FIGN: variants seen among roughly 807,000 people sequenced by gnomAD.
FIGN encodes fidgetin, microtubule severing factor.
Under a neutral mutation model 51.3 loss-of-function variants are expected in FIGN, and 11 were observed. That is an observed-to-expected ratio of 0.21 (90% CI 0.13 to 0.35). FIGN has a LOEUF of 0.35. Ranked by LOEUF, FIGN falls within the 10% of genes least tolerant of loss-of-function variation. The pLI, the probability that FIGN is intolerant of heterozygous loss-of-function variation, is 1.00. For missense variants in FIGN, 857 were observed against 943.6 expected (o/e 0.91, Z 1.20); for synonymous variants, 407 against 363.2 (o/e 1.12, Z -1.37).
chr2:163,652,388 A>G (rs1050597598), intron 2 of FIGN, among the ~76,000 whole-genome samples: 1 of 150,724 alleles, frequency 6.6e-6, no homozygotes, highest in South Asian at 2.1e-4. Context: ...ACACACACAC[A>G]CTTTCACTAA....
intron 2 of FIGN, among the ~76,000 whole-genome samples, chr2:163,633,049 T>C (rs1414199541): frequency 6.6e-6 from 1 of 151,852 alleles, no homozygotes; most frequent in Non-Finnish European, 1.5e-5. Context: ...CCAGGTGTGG[T>C]CGTGTGCACC....
At chr2:163,654,181 T>A (rs1299787967) in intron 2 of FIGN, among the ~76,000 whole-genome samples, 1 of 152,124 alleles carries the variant, frequency 6.6e-6, no homozygotes, top group Non-Finnish European at 1.5e-5. Flanking sequence ...CTGATTTCAT[T>A]CCATTTCTAG....
chr2:163,686,140 G>A (rs1340133655), intron 2 of FIGN, among the ~76,000 whole-genome samples: 1 of 152,128 alleles, frequency 6.6e-6, no homozygotes, highest in African/African-American at 2.4e-5. Flanking sequence ...TAAATAATGA[G>A]AATTCTAACA....
chr2:163,680,517 G>A (rs1363873706), intron 2 of FIGN, among the ~76,000 whole-genome samples: 2 of 152,114 alleles, frequency 1.3e-5, no homozygotes, highest in African/African-American at 4.8e-5. Context: ...ACCACGACAA[G>A]CCCCATCTCA....
intron 2 of FIGN, among the ~76,000 whole-genome samples, chr2:163,645,263 C>G (rs1371827): frequency 0.56 from 85,043 of 151,914 alleles, 24,805 homozygotes; most frequent in Middle Eastern, 0.79. Flanking sequence ...AGAGGTGTGC[C>G]TAGATCATGA....
At chr2:163,654,120 C>T (rs1233606447) in intron 2 of FIGN, among the ~76,000 whole-genome samples, 1 of 152,020 alleles carries the variant, frequency 6.6e-6, no homozygotes, top group Non-Finnish European at 1.5e-5. Flanking sequence ...AAAATAAGAG[C>T]TTCCCCATAT....
rs1265719363 is a variant in FIGN at position 163,607,692 on chromosome 2, CT to C, written c.*1859del. 6.6e-6 allele frequency: 1 copy of C among 152,434 alleles called. No individual in the cohort carries two copies. The highest frequency in any genetic ancestry group is 1.5e-5 in the Non-Finnish European group (1 of 68,010). 9.4% of individuals were successfully genotyped at this position (152,434 alleles called of 1,614,324 possible). ...TTATTGAATACATAAAATGCCAGTGCTTTGCAACAGTTTTGTTACTGCATCT... is the reference window on the plus strand; with the variant it reads ...TTATTGAATACATAAAATGCCAGTGCTTGCAACAGTTTTGTTACTGCATCT... On this transcript the variant is annotated 3_prime_UTR_variant, in exon 3 of 3. Coordinates refer to ENST00000333129, the MANE Select transcript of FIGN (RefSeq NM_018086.4).
intron 2 of FIGN, among the ~76,000 whole-genome samples, chr2:163,676,441 A>ATATC (rs1214157893): frequency 1.4e-4 from 5 of 35,096 alleles, no homozygotes; most frequent in Non-Finnish European, 2.1e-4. Context: ...TGGAATATAT[A>ATATC]TATATATATA....
chr2:163,683,791 A>T (rs969892268), intron 2 of FIGN, among the ~76,000 whole-genome samples: 4 of 152,174 alleles, frequency 2.6e-5, no homozygotes, highest in African/African-American at 9.7e-5. Flanking sequence ...GAACCACTGA[A>T]ATAGAAGGGC....
At chr2:163,661,018 G>T (rs1014642199) in intron 2 of FIGN, among the ~76,000 whole-genome samples, 1 of 142,986 alleles carries the variant, frequency 7.0e-6, no homozygotes, top group African/African-American at 2.6e-5. Flanking sequence ...CAAGTAGCTG[G>T]TATTACAGGC....
chr2:163,650,159 G>C (rs1028239626), intron 2 of FIGN, among the ~76,000 whole-genome samples: 2 of 151,918 alleles, frequency 1.3e-5, no homozygotes, highest in Non-Finnish European at 2.9e-5. Flanking sequence ...AAATAGAATA[G>C]ATGCAGTATT....
intron 2 of FIGN, among the ~76,000 whole-genome samples, chr2:163,728,011 G>A (rs928682624): frequency 1.3e-5 from 2 of 152,152 alleles, no homozygotes; most frequent in African/African-American, 4.8e-5. Flanking sequence ...GCTAAGTCCA[G>A]GATTTGAATA....
intron 2 of FIGN, among the ~76,000 whole-genome samples, chr2:163,622,846 T>C (rs1682996426): frequency 2.0e-5 from 3 of 152,176 alleles, no homozygotes; most frequent in African/African-American, 7.2e-5. Flanking sequence ...ATTACAGGCA[T>C]TAGCCACCGC....
At chr2:163,679,257 G>A (rs981034009) in intron 2 of FIGN, among the ~76,000 whole-genome samples, 6 of 152,082 alleles carry the variant, frequency 3.9e-5, no homozygotes, top group African/African-American at 1.4e-4. Flanking sequence ...ACTTTGGGAG[G>A]CCGAGGCGGG....
intron 2 of FIGN, among the ~76,000 whole-genome samples, chr2:163,627,697 T>A (rs1683074083): frequency 6.6e-6 from 1 of 152,154 alleles, no homozygotes; most frequent in South Asian, 2.1e-4. Context: ...CCGTTACCAG[T>A]TTCATCACTT....
intron 2 of FIGN, among the ~76,000 whole-genome samples, chr2:163,694,154 G>A (rs1362094869): frequency 4.6e-5 from 7 of 152,162 alleles, no homozygotes; most frequent in Admixed American, 6.5e-5. Context: ...AAGGAACTAC[G>A]TCATATTCCA....
At chr2:163,669,678 G>A (rs1448516789) in intron 2 of FIGN, among the ~76,000 whole-genome samples, 3 of 152,130 alleles carry the variant, frequency 2.0e-5, no homozygotes, top group Admixed American at 6.5e-5. Flanking sequence ...CAAATTCTAC[G>A]TCTTCAGTTG....
intron 2 of FIGN, among the ~76,000 whole-genome samples, chr2:163,719,260 A>G (rs776695820): frequency 2.0e-5 from 3 of 152,140 alleles, no homozygotes; most frequent in Non-Finnish European, 4.4e-5. Context: ...GGATGATGTG[A>G]TTGAATTGAT....
At chr2:163,711,214 T>C (rs1344426173) in intron 2 of FIGN, among the ~76,000 whole-genome samples, 1 of 152,178 alleles carries the variant, frequency 6.6e-6, no homozygotes, top group Non-Finnish European at 1.5e-5. Context: ...TTTAATACAG[T>C]TTCATGTTGC....
Sources: allele counts gnomAD v4.1 joint callset (sites outside exome capture counted in the v4.1 genomes callset), GRCh38; gene constraint gnomAD v4.1.1; transcripts MANE v1.5; gene names NCBI Gene and HGNC (gene_info 2026-07-23, HGNC 2026-07-21).